The following DLGAP2 variants were observed in gnomAD, a reference collection of about 807,000 sequenced individuals.
DLGAP2 encodes DLG associated protein 2.
In DLGAP2, 26 loss-of-function variants were observed where a neutral mutation model predicts 100.3. The ratio of observed to expected loss-of-function variants is 0.26; its 90% confidence interval spans 0.19 to 0.36. The LOEUF (loss-of-function observed/expected upper bound fraction) is 0.36, where lower values mean the gene tolerates loss of function less well. DLGAP2 is among the 10% of genes least tolerant of loss of function. DLGAP2 has a pLI of 1.00. For synonymous variants in DLGAP2, 886 were observed against 630.1 expected (o/e 1.41, Z -6.08); for missense variants, 1,858 against 1,453.2 (o/e 1.28, Z -4.53).
intron 2 of DLGAP2, among the ~76,000 whole-genome samples, chr8:1,196,014 T>G (rs1050407562): frequency 6.6e-6 from 1 of 152,232 alleles, no homozygotes; most frequent in Admixed American, 6.5e-5. Flanking sequence ...TGAGCAGAGT[T>G]AAGCTTCTCT....
At chr8:1,196,680 T>C (rs1797758530) in intron 2 of DLGAP2, among the ~76,000 whole-genome samples, 1 of 152,078 alleles carries the variant, frequency 6.6e-6, no homozygotes, top group East Asian at 1.9e-4. Flanking sequence ...TCAGGAAAGG[T>C]AGTGCCATCT....
chr8:936,150 CG>C (rs990624414), intron 2 of DLGAP2, among the ~76,000 whole-genome samples: 4 of 152,024 alleles, frequency 2.6e-5, no homozygotes, highest in African/African-American at 9.7e-5. Context: ...GAGTCACAGT[CG>C]GTTTATGAAG....
At chr8:1,153,484 C>T (rs1186532682) in intron 2 of DLGAP2, among the ~76,000 whole-genome samples, 1 of 152,164 alleles carries the variant, frequency 6.6e-6, no homozygotes, top group East Asian at 1.9e-4. Flanking sequence ...ATACGAAATC[C>T]TTTCCCCGCT....
At chr8:1,162,374 G>C (rs1180619450) in intron 2 of DLGAP2, among the ~76,000 whole-genome samples, 1 of 152,216 alleles carries the variant, frequency 6.6e-6, no homozygotes, top group African/African-American at 2.4e-5. Context: ...TGGTGGTGGA[G>C]ACGTCTTAGG....
At chr8:1,221,437 C>G (rs1412207220) in intron 2 of DLGAP2, among the ~76,000 whole-genome samples, 7 of 152,200 alleles carry the variant, frequency 4.6e-5, no homozygotes, top group Admixed American at 6.5e-5. Context: ...TTAATCTCTT[C>G]TGGCTTGTAA....
At chr8:1,133,364 G>T (rs1451882) in intron 2 of DLGAP2, among the ~76,000 whole-genome samples, 11,226 of 152,070 alleles carry the variant, frequency 0.074, 523 homozygotes, top group East Asian at 0.22. Context: ...TCATCTTTCT[G>T]TAAAACCAGG....
At chr8:1,531,991 C>G (rs149655217) in intron 4 of DLGAP2, among the ~76,000 whole-genome samples, 1 of 152,196 alleles carries the variant, frequency 6.6e-6, no homozygotes, top group East Asian at 1.9e-4. Context: ...CATTAATATA[C>G]GTAAGAAGTA....
intron 4 of DLGAP2, among the ~76,000 whole-genome samples, chr8:1,539,475 C>T (rs1034045668): frequency 3.3e-5 from 5 of 152,152 alleles, no homozygotes; most frequent in Admixed American, 3.3e-4. Context: ...CCCATCCCCA[C>T]GAGTTGAGTG....
chr8:1,043,320 GTGGGTGATGGGT>G, intron 2 of DLGAP2, among the ~76,000 whole-genome samples: 1 of 100,424 alleles, frequency 1.0e-5, no homozygotes, highest in Non-Finnish European at 2.4e-5. Flanking sequence ...GGTGATGGAC[GTGGGTGATGGGT>G]GTGGGTGGTG....
intron 2 of DLGAP2, among the ~76,000 whole-genome samples, chr8:942,900 C>T (rs1799227512): frequency 6.6e-6 from 1 of 152,218 alleles, no homozygotes; most frequent in Non-Finnish European, 1.5e-5. Flanking sequence ...AAACTCCCTC[C>T]CAGGAGAGCC....
intron 2 of DLGAP2, among the ~76,000 whole-genome samples, chr8:1,256,341 G>A (rs79106419): frequency 0.013 from 1,669 of 125,406 alleles, 120 homozygotes; most frequent in African/African-American, 0.052. Flanking sequence ...TGCCATGTGT[G>A]TGTCCTCTCC....
chr8:929,707 C>T (rs561882201), intron 2 of DLGAP2, among the ~76,000 whole-genome samples: 5 of 133,792 alleles, frequency 3.7e-5, no homozygotes, highest in African/African-American at 1.5e-4. Context: ...CATCCCACAC[C>T]GCGGTACTCA....
chr8:1,165,012 G>A (rs559783575), intron 2 of DLGAP2, among the ~76,000 whole-genome samples: 40 of 152,206 alleles, frequency 2.6e-4, no homozygotes, highest in African/African-American at 9.2e-4. Context: ...TATGAGTTCA[G>A]GGATGGGGTT....
At chr8:1,419,773 G>A (rs962551905) in intron 3 of DLGAP2, among the ~76,000 whole-genome samples, 1 of 152,144 alleles carries the variant, frequency 6.6e-6, no homozygotes, top group African/African-American at 2.4e-5. Context: ...ATATAAATTA[G>A]TCTAGCCACT....
chr8:1,496,826 G>C (rs1799561474), intron 3 of DLGAP2, among the ~76,000 whole-genome samples: 2 of 152,216 alleles, frequency 1.3e-5, no homozygotes, highest in Admixed American at 6.5e-5. Flanking sequence ...GCTGTGCCCA[G>C]AGGTGTGCGT....
At chr8:911,080 T>C (rs967627613) in intron 2 of DLGAP2, among the ~76,000 whole-genome samples, 2 of 152,070 alleles carry the variant, frequency 1.3e-5, no homozygotes, top group African/African-American at 2.4e-5. Flanking sequence ...GACGAGTCGC[T>C]GTTTTCTGGG....
intron 4 of DLGAP2, among the ~76,000 whole-genome samples, chr8:1,533,910 A>G (rs1196585318): frequency 1.3e-5 from 2 of 152,224 alleles, no homozygotes; most frequent in Non-Finnish European, 2.9e-5. Flanking sequence ...AGCTATCATC[A>G]CACCACTGCA....
intron 3 of DLGAP2, among the ~76,000 whole-genome samples, chr8:1,326,358 T>C (rs551616708): frequency 3.3e-4 from 51 of 152,360 alleles, no homozygotes; most frequent in African/African-American, 1.2e-3. Flanking sequence ...TACTTTAATA[T>C]CACTTCACAG....
intron 1 of DLGAP2, among the ~76,000 whole-genome samples, chr8:755,003 G>A (rs1820887350): frequency 6.6e-6 from 1 of 152,172 alleles, no homozygotes; most frequent in African/African-American, 2.4e-5. Context: ...TTCTAGAAGA[G>A]GCTTTTGGCA....
Sources: gnomAD v4.1 joint callset for allele counts (sites outside exome capture counted in the v4.1 genomes callset) on GRCh38, gnomAD v4.1.1 for gene constraint, MANE v1.5 for transcripts, NCBI Gene and HGNC (gene_info 2026-07-23, HGNC 2026-07-21) for gene names.